EXT1: variants seen among roughly 807,000 people sequenced by gnomAD.
EXT1 encodes the protein exostosin-1.
EXT1 carries 20 observed loss-of-function variants against 82.5 expected under a neutral mutation model. The observed-to-expected ratio is 0.24, with a 90% CI of 0.17 to 0.35. EXT1 has a LOEUF of 0.35. EXT1 is among the 10% of genes least tolerant of loss of function. The pLI is 1.00. For missense variants in EXT1, 757 were observed against 936.5 expected, an observed-to-expected ratio of 0.81 and a Z score of 2.50; for synonymous variants, 348 against 350.8, an observed-to-expected ratio of 0.99 and a Z score of 0.09.
intron 1 of EXT1, among the ~76,000 whole-genome samples, chr8:118,098,061 A>T (rs1221207810): frequency 6.6e-6 from 1 of 152,042 alleles, no homozygotes; most frequent in Non-Finnish European, 1.5e-5. Context: ...GGGGATGAGA[A>T]GGCAGGCAGA....
At chr8:118,098,615 C>T (rs539381407) in intron 1 of EXT1, among the ~76,000 whole-genome samples, 4 of 152,082 alleles carry the variant, frequency 2.6e-5, no homozygotes, top group South Asian at 2.1e-4. Flanking sequence ...AAAAATTAGT[C>T]GGGCATGGTG....
chr8:117,940,232 T>A (rs1814245277), intron 1 of EXT1, among the ~76,000 whole-genome samples: 1 of 152,242 alleles, frequency 6.6e-6, no homozygotes. Flanking sequence ...GCAGGCTACC[T>A]GCCCAGGCTG....
At chr8:117,849,335 G>A (rs1297723396) in intron 1 of EXT1, among the ~76,000 whole-genome samples, 4 of 152,192 alleles carry the variant, frequency 2.6e-5, no homozygotes, top group Non-Finnish European at 5.9e-5. Context: ...AGAAGGGAGT[G>A]TTCCTGTTCT....
intron 1 of EXT1, among the ~76,000 whole-genome samples, chr8:117,989,425 C>A (rs112452092): frequency 1.8e-4 from 28 of 152,140 alleles, no homozygotes; most frequent in South Asian, 4.1e-4. Flanking sequence ...CTCAATTACA[C>A]GCTCCTTGAG....
chr8:118,094,842 C>T (rs1048949177), intron 1 of EXT1, among the ~76,000 whole-genome samples: 1 of 152,246 alleles, frequency 6.6e-6, no homozygotes, highest in African/African-American at 2.4e-5. Context: ...GGGCAAATTG[C>T]TCAACCTCCC....
rs925377542 is a variant in EXT1, at chr8:118,083,669, T to C, written c.962+26416A>G. Among the ~76,000 whole-genome samples the C allele has an allele frequency of 3.3e-5, 5 of 152,138 alleles. No homozygotes were observed. In the South Asian group the frequency reaches 6.2e-4, roughly 19 times the overall value. The stretch of plus-strand genomic sequence containing the variant: ...CCCCAGGACATAGTAAGAAGCTCAA[T>C]AGAAGTTTTCTAAACTCAAGAATCA... On this transcript the variant is annotated intron_variant, in intron 1 of 10. Coordinates refer to ENST00000378204, the MANE Select transcript of EXT1 (RefSeq NM_000127.3).
At chr8:118,016,980 C>T (rs749636388) in intron 1 of EXT1, among the ~76,000 whole-genome samples, 7 of 152,140 alleles carry the variant, frequency 4.6e-5, no homozygotes, top group South Asian at 2.1e-4. Context: ...TTGTGATGCA[C>T]GAACTTCTCT....
intron 1 of EXT1, among the ~76,000 whole-genome samples, chr8:117,875,689 C>T (rs948113099): frequency 1.1e-4 from 16 of 151,844 alleles, no homozygotes; most frequent in African/African-American, 3.6e-4. Flanking sequence ...AAAAATTATC[C>T]GTTGCCAAGT....
In EXT1 at chr8:117,850,855, C is replaced by T. The variant is rs1358785024; in HGVS notation, c.963-13654G>A. 3.3e-5 allele frequency among the ~76,000 whole-genome samples: 5 copies of T among 152,080 alleles called. No homozygotes were observed. The East Asian group carries it at 9.7e-4, about 29-fold the overall frequency. On this transcript the variant is annotated intron_variant, in intron 1 of 10. Coordinates refer to ENST00000378204, the MANE Select transcript of EXT1 (RefSeq NM_000127.3). ...CCTCAGGACCCTGCCTGCAGGCTTC[C>T]AAAACACCCCAAGGGTAGACCATTG...
intron 1 of EXT1, among the ~76,000 whole-genome samples, chr8:117,850,738 A>C (rs774016581): frequency 6.6e-6 from 1 of 152,166 alleles, no homozygotes; most frequent in Non-Finnish European, 1.5e-5. Context: ...ACAACCTTGA[A>C]ACTAACATGA....
chr8:117,872,823 A>AG (rs911613810), intron 1 of EXT1, among the ~76,000 whole-genome samples: 6 of 149,490 alleles, frequency 4.0e-5, no homozygotes, highest in African/African-American at 1.5e-4. Flanking sequence ...ACTGAAGCAG[A>AG]GAAAAAAAAA....
chr8:117,898,029 C>A (rs542906365), intron 1 of EXT1, among the ~76,000 whole-genome samples: 4 of 152,148 alleles, frequency 2.6e-5, no homozygotes, highest in Non-Finnish European at 5.9e-5. Context: ...CCTTGTTATA[C>A]CCACTTTATA....
At chr8:117,893,099 G>T (rs1373539276) in intron 1 of EXT1, among the ~76,000 whole-genome samples, 3 of 152,214 alleles carry the variant, frequency 2.0e-5, no homozygotes, top group Admixed American at 6.5e-5. Context: ...TGAATGTATA[G>T]GTATATGTGC....
intron 1 of EXT1, among the ~76,000 whole-genome samples, chr8:118,002,330 G>T (rs1232176744): frequency 7.1e-6 from 1 of 141,316 alleles, no homozygotes; most frequent in East Asian, 2.2e-4. Flanking sequence ...GCAGTGAGTC[G>T]AGATAGCACC....
chr8:117,862,656 C>T (rs17430434), intron 1 of EXT1, among the ~76,000 whole-genome samples: 2,504 of 145,302 alleles, frequency 0.017, 414 homozygotes, highest in Non-Finnish European at 0.024. Context: ...GGGATGTGGT[C>T]CGTGGAGACT....
Position 118,076,894 on chromosome 8 carries a change from A to C in EXT1, c.962+33191T>G, listed in dbSNP as rs3757989. Among the ~76,000 whole-genome samples, 51 of 149,880 alleles carry C rather than the reference A, an allele frequency of 3.4e-4. No individual in the cohort carries two copies. The East Asian group carries it at 0.01, about 30-fold the overall frequency. ...AGCAAATAAAAATAGAGTAATAATAAAATATTTCTTTTTTGTTGTTTTTTT... is the reference window on the plus strand; with the variant it reads ...AGCAAATAAAAATAGAGTAATAATACAATATTTCTTTTTTGTTGTTTTTTT... On this transcript the variant is annotated intron_variant, in intron 1 of 10. Transcript: ENST00000378204.
chr8:117,840,463 T>A (rs909933906), intron 1 of EXT1, among the ~76,000 whole-genome samples: 2 of 151,896 alleles, frequency 1.3e-5, no homozygotes, highest in Non-Finnish European at 2.9e-5. Flanking sequence ...AAATACAAAA[T>A]TAGCTGGGCA....
chr8:118,043,579 G>C (rs1816572435), intron 1 of EXT1, among the ~76,000 whole-genome samples: 1 of 152,164 alleles, frequency 6.6e-6, no homozygotes, highest in South Asian at 2.1e-4. Context: ...TGTCCACTAA[G>C]GGTAACCTCA....
chr8:118,006,998 T>TAAATTAAATC (rs1171656476), intron 1 of EXT1, among the ~76,000 whole-genome samples: 1 of 152,210 alleles, frequency 6.6e-6, no homozygotes, highest in Non-Finnish European at 1.5e-5. Context: ...TTCAATTTTT[T>TAAATTAAATC]AAAAGCATTT....
Sources: allele counts gnomAD v4.1 joint callset (sites outside exome capture counted in the v4.1 genomes callset), GRCh38; gene constraint gnomAD v4.1.1; transcripts MANE v1.5; gene names NCBI Gene and HGNC (gene_info 2026-07-23, HGNC 2026-07-21).